Variants in KCNN2 observed in about 807,000 individuals in gnomAD.
KCNN2 encodes small conductance calcium-activated potassium channel protein 2.
KCNN2 carries 24 observed loss-of-function variants against 55.5 expected under a neutral mutation model. That is an observed-to-expected ratio of 0.43 (90% confidence interval 0.31 to 0.61). KCNN2 has a LOEUF of 0.61. Ranked by LOEUF, KCNN2 falls within the 20% of genes least tolerant of loss-of-function variation. The pLI is 0.08. For missense variants in KCNN2, 754 were observed against 853.6 expected (o/e 0.88, Z 1.45); for synonymous variants, 431 against 336.1 (o/e 1.28, Z -3.09).
At chr5:114,250,072 T>G (rs1754827883) in intron 2 of KCNN2, among the ~76,000 whole-genome samples, 1 of 152,162 alleles carries the variant, frequency 6.6e-6, no homozygotes, top group African/African-American at 2.4e-5. Context: ...GCATTCCTAG[T>G]AAGAGCCTGC....
intron 2 of KCNN2, among the ~76,000 whole-genome samples, chr5:114,272,357 C>CACACACATATATGTATGTACATAT (rs1561549029): frequency 3.4e-5 from 1 of 29,410 alleles, no homozygotes; most frequent in African/African-American, 5.8e-5. Flanking sequence ...TATGTACATA[C>CACACACATATATGTATGTACATAT]CATATACACA....
rs1326244359 is a variant in KCNN2 at position 114,062,198 on chromosome 5, A to G, written c.-271+5698A>G. ...AAATGAGTTTGTTGCCCAGAACAAC[A>G]TGTATTTACCTAATCTACTTCTGTG... On this transcript the variant is annotated intron_variant, in intron 1 of 10. Coordinates refer to the KCNN2 transcript ENST00000512097. 2.0e-5 allele frequency among the ~76,000 whole-genome samples: 3 copies of G among 152,076 alleles called. No homozygotes were observed. In the East Asian group the frequency reaches 5.8e-4, roughly 29 times the overall value.
chr5:114,149,036 G>C (rs1752462257), intron 1 of KCNN2, among the ~76,000 whole-genome samples: 1 of 152,066 alleles, frequency 6.6e-6, no homozygotes, highest in East Asian at 1.9e-4. Flanking sequence ...CAGTCTAACA[G>C]GTCCATAGAA....
intron 1 of KCNN2, among the ~76,000 whole-genome samples, chr5:114,121,260 T>C (rs930994854): frequency 2.5e-4 from 38 of 152,202 alleles, no homozygotes; most frequent in African/African-American, 9.2e-4. Flanking sequence ...GCCAGGACTC[T>C]GGTTTCAAAG....
At chr5:114,216,031 G>T (rs560685803) in intron 1 of KCNN2, among the ~76,000 whole-genome samples, 6 of 152,076 alleles carry the variant, frequency 3.9e-5, no homozygotes, top group African/African-American at 1.4e-4. Context: ...CATATTTTGT[G>T]TAAAAGAATG....
chr5:114,316,279 G>A (rs1026898211), intron 2 of KCNN2, among the ~76,000 whole-genome samples: 1 of 152,040 alleles, frequency 6.6e-6, no homozygotes, highest in African/African-American at 2.4e-5. Flanking sequence ...CCTGTACAGA[G>A]TCCCAAAATA....
At chr5:114,112,153 A>G (rs1751611981) in intron 1 of KCNN2, among the ~76,000 whole-genome samples, 1 of 152,236 alleles carries the variant, frequency 6.6e-6, no homozygotes, top group Non-Finnish European at 1.5e-5. Context: ...CAGCCATAAA[A>G]AAGGATGAGT....
At chr5:114,237,561 C>T (rs938186286) in intron 2 of KCNN2, among the ~76,000 whole-genome samples, 3 of 151,990 alleles carry the variant, frequency 2.0e-5, no homozygotes, top group East Asian at 3.9e-4. Context: ...TAGTAGATCC[C>T]CCGCCATGAC....
chr5:114,063,967 T>G (rs148899446), intron 1 of KCNN2, among the ~76,000 whole-genome samples: 36 of 152,332 alleles, frequency 2.4e-4, no homozygotes, highest in African/African-American at 8.2e-4. Flanking sequence ...AGCTAGAGCC[T>G]TCAGTTTTTC....
intron 1 of KCNN2, among the ~76,000 whole-genome samples, chr5:114,121,529 G>T (rs1751830100): frequency 6.6e-6 from 1 of 152,138 alleles, no homozygotes. Context: ...TCTCCATTCG[G>T]CAGTACAGAA....
At chr5:114,065,846 GTTTTTTTTTTTTTTTTTTTTTT>G (rs56127808) in intron 1 of KCNN2, among the ~76,000 whole-genome samples, 10 of 45,244 alleles carry the variant, frequency 2.2e-4, no homozygotes, top group Admixed American at 1.2e-3. Context: ...TCCTATGCAG[GTTTTTTTTTTTTTTTTTTTTTT>G]TTTTTTTTTT....
intron 2 of KCNN2, among the ~76,000 whole-genome samples, chr5:114,294,997 C>A (rs1001534966): frequency 1.3e-5 from 2 of 152,076 alleles, no homozygotes; most frequent in Admixed American, 1.3e-4. Context: ...GATTGCAACC[C>A]CTGCCTTTTT....
In KCNN2 at chr5:114,136,737, A is replaced by T. The variant is rs142604726; in HGVS notation, c.-271+80237A>T. ...TGTAGTTTCTTTCTAGTGTGGCTTA[A>T]CCTCTCTGAGCCTCCCTTTCTTCAC... On this transcript the variant is annotated intron_variant, in intron 1 of 10. Coordinates refer to the KCNN2 transcript ENST00000512097. Among the ~76,000 whole-genome samples, 46 of 152,308 alleles carry T rather than the reference A, an allele frequency of 3.0e-4. No homozygotes were observed. In the East Asian group the frequency reaches 8.1e-3, roughly 27 times the overall value.
At chr5:114,293,333 A>G (rs955962946) in intron 2 of KCNN2, among the ~76,000 whole-genome samples, 32 of 152,156 alleles carry the variant, frequency 2.1e-4, no homozygotes, top group African/African-American at 7.2e-4. Context: ...TGGGTTTGTC[A>G]TAGATAGCTC....
chr5:114,229,752 TGTG>T (rs10560019), intron 2 of KCNN2, among the ~76,000 whole-genome samples: 120,902 of 151,742 alleles, frequency 0.8, 48,514 homozygotes, highest in East Asian at 0.89. Context: ...TAATTACTGT[TGTG>T]GTACTAATAA....
chr5:114,319,730 T>A (rs1756576953), intron 2 of KCNN2, among the ~76,000 whole-genome samples: 1 of 152,250 alleles, frequency 6.6e-6, no homozygotes, highest in Non-Finnish European at 1.5e-5. Context: ...CACTGTAAGA[T>A]ATAATGCTTG....
chr5:114,150,603 T>C (rs1248056479), intron 1 of KCNN2, among the ~76,000 whole-genome samples: 5 of 152,170 alleles, frequency 3.3e-5, no homozygotes, highest in African/African-American at 7.2e-5. Flanking sequence ...ATCTGGCCAA[T>C]TTAATATGAG....
intron 1 of KCNN2, among the ~76,000 whole-genome samples, chr5:114,073,682 C>G (rs1324840827): frequency 6.6e-6 from 1 of 152,162 alleles, no homozygotes; most frequent in African/African-American, 2.4e-5. Context: ...TACATTTGTC[C>G]TTGAGACTTT....
At chr5:114,373,196 G>A (rs1036201419) in intron 2 of KCNN2, among the ~76,000 whole-genome samples, 5 of 152,076 alleles carry the variant, frequency 3.3e-5, no homozygotes, top group African/African-American at 1.2e-4. Context: ...GTACTGTGCT[G>A]TGTAAATCTG....
Sources: allele counts gnomAD v4.1 joint callset (sites outside exome capture counted in the v4.1 genomes callset), GRCh38; gene constraint gnomAD v4.1.1; transcripts MANE v1.5; gene names NCBI Gene and HGNC (gene_info 2026-07-23, HGNC 2026-07-21).